Variants in SCN8A observed in about 807,000 individuals in gnomAD.
The protein encoded by SCN8A is sodium channel protein type 8 subunit alpha.
A neutral mutation model predicts 184.1 loss-of-function variants in SCN8A; 30 were observed. The ratio of observed to expected loss-of-function variants is 0.16; its 90% CI spans 0.12 to 0.22. The LOEUF (loss-of-function observed/expected upper bound fraction) is 0.22, where lower values mean the gene tolerates loss of function less well. SCN8A is among the 10% of genes least tolerant of loss of function. The probability of loss-of-function intolerance (pLI) is 1.00; values close to 1 mark genes in which losing one functional copy is unlikely to be tolerated. For synonymous variants in SCN8A, 852 were observed against 907.0 expected, an observed-to-expected ratio of 0.94 and a Z score of 1.09; for missense variants, 1,057 against 2,498.9, an observed-to-expected ratio of 0.42 and a Z score of 12.30.
In SCN8A at chr12:51,669,025, G is replaced by A. The variant is rs991489394; in HGVS notation, c.276+5932G>A. Among the ~76,000 whole-genome samples the A allele has an allele frequency of 4.6e-5, 7 of 152,172 alleles. No individual in the cohort carries two copies. In the East Asian group the frequency reaches 1.3e-3, roughly 29 times the overall value. On this transcript the variant is annotated intron_variant, in intron 2 of 26. Transcript: ENST00000627620. ...TGCTCCCAGGCTACACACCTGTACA[G>A]CATGTTACCATATTGAATGCTGTAG... is the stretch of plus-strand genomic sequence containing the variant.
intron 1 of SCN8A, among the ~76,000 whole-genome samples, chr12:51,639,471 G>A (rs1010262348): frequency 1.3e-5 from 2 of 149,190 alleles, no homozygotes; most frequent in Admixed American, 6.6e-5. Flanking sequence ...CTGGAGTGCA[G>A]TGGTGTGATC....
At chr12:51,799,366 C>T (rs532704789) in intron 26 of SCN8A, among the ~76,000 whole-genome samples, 3 of 152,310 alleles carry the variant, frequency 2.0e-5, no homozygotes, top group South Asian at 2.1e-4. Flanking sequence ...TCATGAGAGG[C>T]GGTTCAGGCC....
At chr12:51,673,217 T>C (rs892763430) in intron 2 of SCN8A, among the ~76,000 whole-genome samples, 8 of 152,176 alleles carry the variant, frequency 5.3e-5, no homozygotes, top group Non-Finnish European at 8.8e-5. Flanking sequence ...CAATATAGTA[T>C]AACTATTTAT....
intron 1 of SCN8A, among the ~76,000 whole-genome samples, chr12:51,630,555 T>A (rs1165218582): frequency 6.6e-6 from 1 of 152,150 alleles, no homozygotes; most frequent in Non-Finnish European, 1.5e-5. Flanking sequence ...CTATTGTGAA[T>A]GATGTTGCTG....
intron 1 of SCN8A, among the ~76,000 whole-genome samples, chr12:51,609,392 T>C (rs1043893394): frequency 2.6e-5 from 4 of 152,184 alleles, no homozygotes; most frequent in Non-Finnish European, 5.9e-5. Context: ...AGTATTGAAG[T>C]CCCCCACTAT....
intron 26 of SCN8A, among the ~76,000 whole-genome samples, chr12:51,801,098 T>G (rs1427839525): frequency 6.6e-6 from 1 of 152,148 alleles, no homozygotes; most frequent in Non-Finnish European, 1.5e-5. Flanking sequence ...TCCTATCAAT[T>G]TCACTTCTAG....
chr12:51,598,819 A>G (rs1214063822), intron 1 of SCN8A, among the ~76,000 whole-genome samples: 1 of 151,608 alleles, frequency 6.6e-6, no homozygotes, highest in Non-Finnish European at 1.5e-5. Flanking sequence ...AGTTAGTTCC[A>G]TTGTCTTTTA....
rs34571044 is a variant in SCN8A, at chr12:51,711,713, C to CTT, written c.1635+5011_1635+5012dup. Among the ~76,000 whole-genome samples the CTT allele has an allele frequency of 3.6e-3, 522 of 144,018 alleles. 3 individuals are homozygous for CTT. Among genetic ancestry groups the CTT allele is most frequent in the East Asian group, 9.4e-3 (47 of 5,014 alleles). 94.5% of individuals were successfully genotyped at this position (144,018 alleles called of 152,430 possible). A position where few individuals can be genotyped will look rare whatever the true frequency, so the allele number is the denominator to read the frequency against. The stretch of plus-strand genomic sequence containing the variant: ...CTTTTATTTCCATAGCTTCTGAGTT[C>CTT]TTTTTTTTTTTTTTAGAAATTTTGA... On this transcript the variant is annotated intron_variant, in intron 11 of 26. Coordinates refer to ENST00000627620, the MANE Select transcript of SCN8A (RefSeq NM_001330260.2).
chr12:51,602,516 G>A (rs1420006096), intron 1 of SCN8A, among the ~76,000 whole-genome samples: 1 of 152,098 alleles, frequency 6.6e-6, no homozygotes, highest in Non-Finnish European at 1.5e-5. Context: ...AGATTGTTCT[G>A]GAGATTTGTA....
At chr12:51,732,554 G>A (rs1479098599) in intron 12 of SCN8A, among the ~76,000 whole-genome samples, 2 of 151,990 alleles carry the variant, frequency 1.3e-5, no homozygotes, top group Non-Finnish European at 2.9e-5. Flanking sequence ...GCTGTTCTGG[G>A]TCTTTTGTGA....
Position 51,673,106 on chromosome 12 carries a change from C to A in SCN8A, c.276+10013C>A, listed in dbSNP as rs925446328. Among the ~76,000 whole-genome samples, 5 of 152,086 alleles carry A rather than the reference C, an allele frequency of 3.3e-5. No homozygotes were observed. The South Asian group carries it at 6.2e-4, about 19-fold the overall frequency. ...AGTTAGTATAGTCAGCCCTCCATAC[C>A]CATGGGTTCCACATTTAAGAATTTG... On this transcript the variant is annotated intron_variant, in intron 2 of 26. Coordinates refer to ENST00000627620, the MANE Select transcript of SCN8A (RefSeq NM_001330260.2).
intron 10 of SCN8A, among the ~76,000 whole-genome samples, chr12:51,705,864 G>A (rs1031387953): frequency 1.3e-5 from 2 of 152,256 alleles, no homozygotes; most frequent in East Asian, 1.9e-4. Flanking sequence ...GTGTGCAACC[G>A]CCATGATGAC....
chr12:51,783,719 T>C (rs140921374), intron 21 of SCN8A, among the ~76,000 whole-genome samples: 143 of 152,376 alleles, frequency 9.4e-4, no homozygotes, highest in Non-Finnish European at 1.7e-3. Flanking sequence ...AGTACATAGT[T>C]GTCCATTAAA....
chr12:51,610,548 A>T lies in SCN8A; in HGVS notation c.-55+19189A>T, dbSNP rs549789557. ...ATGTGTTTCCAGGATTTGTTTCAAG[A>T]TTTAGAGCTCGTTTTAGCAGTTCTT... On this transcript the variant is annotated intron_variant, in intron 1 of 26. Coordinates refer to ENST00000627620, the MANE Select transcript of SCN8A (RefSeq NM_001330260.2). Among the ~76,000 whole-genome samples the T allele has an allele frequency of 9.9e-5, 15 of 152,198 alleles. No individual in the cohort carries two copies. In the South Asian group the frequency reaches 2.9e-3, roughly 30 times the overall value.
intron 1 of SCN8A, among the ~76,000 whole-genome samples, chr12:51,634,495 A>T (rs993744008): frequency 5.9e-5 from 9 of 152,172 alleles, no homozygotes; most frequent in Non-Finnish European, 1.2e-4. Context: ...ATGGAATATG[A>T]TCTACAACTT....
At chr12:51,638,837 A>C (rs568594117) in intron 1 of SCN8A, among the ~76,000 whole-genome samples, 1 of 152,036 alleles carries the variant, frequency 6.6e-6, no homozygotes, top group Admixed American at 6.5e-5. Flanking sequence ...CAGGATGTTC[A>C]TGGGGGAGGG....
At chr12:51,592,067 C>A (rs1398227823) in intron 1 of SCN8A, among the ~76,000 whole-genome samples, 3 of 129,510 alleles carry the variant, frequency 2.3e-5, no homozygotes, top group Non-Finnish European at 4.9e-5. Context: ...CCCCACCCCC[C>A]ACCCCCACGC....
chr12:51,641,828 T>C (rs1222338533), intron 1 of SCN8A, among the ~76,000 whole-genome samples: 1 of 152,130 alleles, frequency 6.6e-6, no homozygotes, highest in Non-Finnish European at 1.5e-5. Context: ...CCTCATAAGC[T>C]ACCCTGCTTT....
chr12:51,636,666 T>C (rs1180979009), intron 1 of SCN8A, among the ~76,000 whole-genome samples: 1 of 152,238 alleles, frequency 6.6e-6, no homozygotes, highest in African/African-American at 2.4e-5. Flanking sequence ...GTTTCAACAT[T>C]GTCTTTCTTA....
Sources: allele counts gnomAD v4.1 joint callset (sites outside exome capture counted in the v4.1 genomes callset), GRCh38; gene constraint gnomAD v4.1.1; transcripts MANE v1.5; gene names NCBI Gene and HGNC (gene_info 2026-07-23, HGNC 2026-07-21).